Variants in DSG4 observed in about 807,000 individuals in gnomAD.
DSG4 encodes the protein desmoglein 4.
DSG4 carries 87 observed loss-of-function variants against 93.1 expected under a neutral mutation model. The observed-to-expected ratio is 0.93, with a 90% CI of 0.79 to 1.12. The LOEUF (loss-of-function observed/expected upper bound fraction) is 1.12, where lower values mean the gene tolerates loss of function less well. Among genes scored for constraint, DSG4 ranks in the 50% most tolerant of loss-of-function variants. The pLI, the probability that DSG4 is intolerant of heterozygous loss-of-function variation, is 0.00. For missense variants in DSG4, 1,373 were observed against 1,285.7 expected, an observed-to-expected ratio of 1.07 and a Z score of -1.04; for synonymous variants, 432 against 452.9, an observed-to-expected ratio of 0.95 and a Z score of 0.59.
chr18:31,413,708 T>C lies in DSG4; in HGVS notation c.*113T>C. ...TTAATAGTCAACAAATACTCAGATA[T>C]TCTAAGGTCAATGCCATTATTTGAT... On this transcript the variant is annotated 3_prime_UTR_variant, in exon 16 of 16. Transcript: ENST00000308128. 1 of 1,377,966 alleles carries C rather than the reference T, an allele frequency of 7.3e-7. No individual in the cohort carries two copies. The highest frequency in any genetic ancestry group is 2.4e-5 in the East Asian group (1 of 41,060). The allele number at this position is 1,377,966 out of a possible 1,614,324, so 85.4% of individuals were successfully genotyped here.
intron 10 of DSG4, 109 bp from the exon 11 acceptor site, chr18:31,403,307 A>G (rs2144203411): frequency 1.1e-6 from 1 of 941,424 alleles, no homozygotes; most frequent in South Asian, 1.4e-5. Flanking sequence ...CAAGCCTCCC[A>G]AGTCACGTAT....
At position 31,391,083 on chromosome 18, in the gene DSG4, C is replaced by G. The variant is rs144324362; in HGVS notation, c.690C>G (p.His230Gln). The G allele has an allele frequency of 1.9e-6, 3 of 1,613,564 alleles. No individual in the cohort carries two copies. The highest frequency in any genetic ancestry group is 4.5e-5 in the East Asian group (2 of 44,850). Residue 230 changes from histidine to glutamine, a missense_variant, in exon 7 of 16, where the codon CAC becomes CAG. Coordinates refer to ENST00000308128, the MANE Select transcript of DSG4 (RefSeq NM_177986.5). ...TCTTTTTCATCTTGATTAAGCAACA[C>G]AGTATGTACAACCTGGTTGTGAGAG... is the stretch of plus-strand genomic sequence containing the variant. ...TMSSFLDREQ[H>Q]SMYNLVVRGS...
chr18:31,392,566 T>C (rs901667544), intron 8 of DSG4, among the ~76,000 whole-genome samples: 1 of 152,188 alleles, frequency 6.6e-6, no homozygotes, highest in Non-Finnish European at 1.5e-5. Context: ...TCTGACAGTG[T>C]CCAATATCTA....
chr18:31,409,561 G>A lies in DSG4; in HGVS notation c.2043G>A (p.Trp681Ter), dbSNP rs777350612. ...PEGGEGVMQS[W>*]RIEGAHPEDR... ...GCGGAGAAGGAGTGATGCAGTCTTG[G>A]AGAATTGAAGGGGCCCATCCCGAGG... Residue 681 changes from tryptophan to a stop codon, truncating the protein, a stop_gained, in exon 13 of 16, where the codon TGG becomes TGA. Coordinates refer to ENST00000308128, the MANE Select transcript of DSG4 (RefSeq NM_177986.5). LOFTEE classifies it high-confidence loss of function. 6.2e-6 allele frequency: 10 copies of A among 1,614,178 alleles called. No individual in the cohort carries two copies. Among genetic ancestry groups the A allele is most frequent in the Non-Finnish European group, 8.5e-6 (10 of 1,180,024 alleles).
chr18:31,380,073 T>C (rs2072117964), intron 1 of DSG4, among the ~76,000 whole-genome samples: 1 of 152,194 alleles, frequency 6.6e-6, no homozygotes. Context: ...ATTTTTTGCC[T>C]TCAAATTCCT....
At chr18:31,386,937 A>T in intron 3 of DSG4, 118 bp downstream of exon 3, 1 of 1,519,964 alleles carries the variant, frequency 6.6e-7, no homozygotes, top group African/African-American at 1.4e-5. Context: ...GAATGTGGTC[A>T]TTTGCTCCAG....
chr18:31,379,663 G>A (rs1455100886), intron 1 of DSG4, among the ~76,000 whole-genome samples: 3 of 152,104 alleles, frequency 2.0e-5, no homozygotes, highest in African/African-American at 7.2e-5. Context: ...AAAGGTAGGT[G>A]GCTAAATATA....
chr18:31,399,627 A>G, intron 9 of DSG4, 84 bp downstream of exon 9: 4 of 1,565,316 alleles, frequency 2.6e-6, no homozygotes, highest in Middle Eastern at 1.7e-4. Flanking sequence ...TGGTTGTAAT[A>G]CTTTTGGAGG....
chr18:31,385,617 G>C (rs747530146), intron 2 of DSG4, among the ~76,000 whole-genome samples: 2 of 152,100 alleles, frequency 1.3e-5, no homozygotes, highest in Non-Finnish European at 2.9e-5. Flanking sequence ...TCAGGAAATA[G>C]AGCTGCTGTC....
chr18:31,399,471 C>G lies in DSG4; in HGVS notation c.1205C>G (p.Ser402Cys). Reference sequence around the variant, plus strand: ...GTGCGGGAAGGAATAAAAGGAAGTTCCTTATTGAATTATGTGCTTGGCACA... The same window carrying G: ...GTGCGGGAAGGAATAAAAGGAAGTTGCTTATTGAATTATGTGCTTGGCACA... ...FSVREGIKGSSLLNYVLGTYT... is the reference protein window; with the variant it reads ...FSVREGIKGSCLLNYVLGTYT... The change falls in exon 9 of 16, where the codon TCC becomes TGC. Residue 402 changes from serine to cysteine, a missense_variant. Transcript: ENST00000308128. The G allele has an allele frequency of 6.2e-7, 1 of 1,613,986 alleles. No individual in the cohort carries two copies. The highest frequency in any genetic ancestry group is 8.5e-7 in the Non-Finnish European group (1 of 1,179,946).
chr18:31,408,224 A>G (rs2072448804), intron 12 of DSG4, among the ~76,000 whole-genome samples: 1 of 152,206 alleles, frequency 6.6e-6, no homozygotes, highest in African/African-American at 2.4e-5. Context: ...GTTAGCTCCA[A>G]ATGAGATTAC....
Position 31,391,120 on chromosome 18 carries a change from G to A in DSG4, c.727G>A (p.Asp243Asn), listed in dbSNP as rs755733906. The part of the protein sequence containing the change: ...YNLVVRGSDR[D>N]GAADGLSSEC... ...CCTGGTTGTGAGAGGCTCAGATCGG[G>A]ATGGAGCTGCAGATGGACTGTCTTC... The change falls in exon 7 of 16, where the codon GAT becomes AAT. Residue 243 changes from aspartate to asparagine, a missense_variant. Physicochemically the swap from Asp to Asn is conservative, Grantham distance 23. Coordinates refer to ENST00000308128, the MANE Select transcript of DSG4 (RefSeq NM_177986.5). 2 of 1,613,804 alleles carry A rather than the reference G, an allele frequency of 1.2e-6. No homozygotes were observed. The highest frequency in any genetic ancestry group is 1.7e-6 in the Non-Finnish European group (2 of 1,179,784).
chr18:31,396,120 A>AGT (rs151114412), intron 8 of DSG4, among the ~76,000 whole-genome samples: 6 of 152,066 alleles, frequency 3.9e-5, no homozygotes, highest in Admixed American at 2.0e-4. Context: ...GCAATAAAAA[A>AGT]GTGTGTGTGT....
At chr18:31,411,091 T>C in intron 14 of DSG4, 140 bp from the exon 15 acceptor site, 1 of 1,576,348 alleles carries the variant, frequency 6.3e-7, no homozygotes. Context: ...TCGGTGTAAC[T>C]TGTATCTCTC....
chr18:31,397,895 C>T lies in DSG4; in HGVS notation c.1006-1377C>T, dbSNP rs118025013. 6.2e-3 allele frequency among the ~76,000 whole-genome samples: 943 copies of T among 151,870 alleles called. 6 individuals carry two copies. Among genetic ancestry groups the T allele is most frequent in the Non-Finnish European group, 8.6e-3 (584 of 67,944 alleles). On this transcript the variant is annotated intron_variant, in intron 8 of 15. Transcript: ENST00000308128. Reference sequence around the variant, plus strand: ...TGTAAAAATTAGCCCGGTGTGGTGGCGCATGCTTATAGTCCCAGCTACTTG... The same window carrying T: ...TGTAAAAATTAGCCCGGTGTGGTGGTGCATGCTTATAGTCCCAGCTACTTG...
intron 11 of DSG4, among the ~76,000 whole-genome samples, chr18:31,405,631 C>T (rs113755485): frequency 6.6e-6 from 1 of 151,736 alleles, no homozygotes; most frequent in Non-Finnish European, 1.5e-5. Context: ...TGCTTGTAAT[C>T]CAAGCACTTT....
At position 31,413,282 on chromosome 18, in the gene DSG4, A is replaced by C. The variant is rs2072517996; in HGVS notation, c.2810A>C (p.Glu937Ala). ...CTTGCACCCAATGTTGTAGTAACCG[A>C]AGCAGTAATGGCACCTGTCTATGAT... Reference protein sequence around the residue: ...PQLAPNVVVTEAVMAPVYDIQ... With the variant: ...PQLAPNVVVTAAVMAPVYDIQ... Residue 937 changes from glutamate (E) to alanine (A), a missense_variant, in exon 16 of 16, where the codon GAA becomes GCA. Transcript: ENST00000308128. 1 of 1,614,030 alleles carries C rather than the reference A, an allele frequency of 6.2e-7. No individual in the cohort carries two copies. The highest frequency in any genetic ancestry group is 1.3e-5 in the African/African-American group (1 of 74,910).
chr18:31,384,686 A>G (rs2072168507), intron 1 of DSG4, among the ~76,000 whole-genome samples: 1 of 152,184 alleles, frequency 6.6e-6, no homozygotes, highest in Non-Finnish European at 1.5e-5. Flanking sequence ...CTTACCTTCC[A>G]GCAAAAATAT....
At chr18:31,401,047 A>T in intron 10 of DSG4, 27 bp downstream of exon 10, 1 of 1,544,754 alleles carries the variant, frequency 6.5e-7, no homozygotes, top group Non-Finnish European at 8.9e-7. Context: ...TCAGTATTTT[A>T]AGAAAACTAG....
Sources: allele counts gnomAD v4.1 joint callset (sites outside exome capture counted in the v4.1 genomes callset), GRCh38; gene constraint gnomAD v4.1.1; transcripts MANE v1.5; gene names NCBI Gene and HGNC (gene_info 2026-07-23, HGNC 2026-07-21).